Variants in FLYWCH2 observed in about 807,000 individuals in gnomAD.
FLYWCH2 encodes the protein FLYWCH family member 2.
Under a neutral mutation model 6.0 loss-of-function variants are expected in FLYWCH2, and 2 were observed. The observed-to-expected ratio is 0.33, with a 90% confidence interval of 0.14 to 1.04. The LOEUF is 1.04. FLYWCH2 is among the 50% of genes least tolerant of loss of function. FLYWCH2 has a pLI of 0.45. For missense variants in FLYWCH2, 192 were observed against 183.4 expected, an observed-to-expected ratio of 1.05 and a Z score of -0.27; for synonymous variants, 87 against 79.3, an observed-to-expected ratio of 1.10 and a Z score of -0.52.
chr16:2,887,842 C>T (rs997593550), intron 1 of FLYWCH2, among the ~76,000 whole-genome samples: 1 of 151,936 alleles, frequency 6.6e-6, no homozygotes, highest in Non-Finnish European at 1.5e-5. Context: ...ACTGGAATTA[C>T]AAGCATGAGC....
At chr16:2,896,850 C>T (rs754522045) in intron 3 of FLYWCH2, 79 bp downstream of exon 3, 34 of 1,336,864 alleles carry the variant, frequency 2.5e-5, no homozygotes, top group South Asian at 2.5e-4. Context: ...CTCCATCAGG[C>T]GCTTCTCCCT....
At chr16:2,894,970 C>A (rs1440928881) in intron 1 of FLYWCH2, among the ~76,000 whole-genome samples, 1 of 152,156 alleles carries the variant, frequency 6.6e-6, no homozygotes, top group East Asian at 1.9e-4. Flanking sequence ...GTGGGTGTCT[C>A]TGGGCCTTGT....
intron 1 of FLYWCH2, among the ~76,000 whole-genome samples, chr16:2,890,129 A>G (rs1322658530): frequency 6.6e-6 from 1 of 152,108 alleles, no homozygotes; most frequent in Non-Finnish European, 1.5e-5. Flanking sequence ...TTTGGATTTC[A>G]TCAGTGTTTT....
chr16:2,899,291 A>C lies in FLYWCH2; in HGVS notation c.*142A>C. On this transcript the variant is annotated 3_prime_UTR_variant, in exon 4 of 4. Coordinates refer to ENST00000396958, the MANE Select transcript of FLYWCH2 (RefSeq NM_138439.3). ...TTCTTTTTTTTTTTTTTTTTAGATCAAGTATAAGTTACTTTTGTAAGCAGA... is the reference window on the plus strand; with the variant it reads ...TTCTTTTTTTTTTTTTTTTTAGATCCAGTATAAGTTACTTTTGTAAGCAGA... 3 of 530,320 alleles carry C rather than the reference A, an allele frequency of 5.7e-6. No homozygotes were observed. The highest frequency in any genetic ancestry group is 6.4e-6 in the Non-Finnish European group (2 of 310,978). The allele number at this position is 530,320 out of a possible 1,614,324, so 32.9% of individuals were successfully genotyped here.
Position 2,897,996 on chromosome 16 carries a change from C to A in FLYWCH2, c.323-1053C>A, listed in dbSNP as rs182980191. ...CCTGGGGTCAGCCAGAACAGGTGGT[C>A]CCCTGGGGTCAGCCAGGGCACTCAG... On this transcript the variant is annotated intron_variant, in intron 3 of 3. Coordinates refer to ENST00000396958, the MANE Select transcript of FLYWCH2 (RefSeq NM_138439.3). Among the ~76,000 whole-genome samples the A allele has an allele frequency of 3.2e-4, 48 of 152,268 alleles. 1 individual carries two copies. The highest frequency in any genetic ancestry group is 2.9e-3 in the Admixed American group (44 of 15,300).
intron 1 of FLYWCH2, among the ~76,000 whole-genome samples, chr16:2,887,549 C>A (rs1475222620): frequency 6.6e-6 from 1 of 151,650 alleles, no homozygotes; most frequent in Non-Finnish European, 1.5e-5. Context: ...GTGGTCCTAG[C>A]ATTTAATGTT....
intron 1 of FLYWCH2, among the ~76,000 whole-genome samples, chr16:2,893,442 T>C (rs530430249): frequency 6.6e-6 from 1 of 152,278 alleles, no homozygotes; most frequent in Admixed American, 6.5e-5. Flanking sequence ...CAAATATATA[T>C]TTCACAATAT....
chr16:2,893,795 G>T (rs1161369939), intron 1 of FLYWCH2, among the ~76,000 whole-genome samples: 5 of 151,876 alleles, frequency 3.3e-5, no homozygotes, highest in Non-Finnish European at 7.4e-5. Context: ...CCGCCACCAC[G>T]CCGGGCTAAT....
At chr16:2,891,612 A>T (rs908274165) in intron 1 of FLYWCH2, among the ~76,000 whole-genome samples, 17 of 151,978 alleles carry the variant, frequency 1.1e-4, no homozygotes, top group Non-Finnish European at 1.5e-4. Context: ...TCACCGTGTT[A>T]GCCAGGATGG....
At chr16:2,885,586 G>T (rs1214601095) in intron 1 of FLYWCH2, among the ~76,000 whole-genome samples, 1 of 152,134 alleles carries the variant, frequency 6.6e-6, no homozygotes, top group Non-Finnish European at 1.5e-5. Context: ...ATAATATGTG[G>T]TCTTTTGGGT....
intron 1 of FLYWCH2, among the ~76,000 whole-genome samples, chr16:2,892,894 A>ATATAT (rs138834275): frequency 0.55 from 73,486 of 132,610 alleles, 18,835 homozygotes; most frequent in Non-Finnish European, 0.6. Context: ...TATATAATGT[A>ATATAT]TATATGTCAT....
At chr16:2,884,572 A>AAAAAAAAAAAAAC (rs1361317929) in intron 1 of FLYWCH2, among the ~76,000 whole-genome samples, 2 of 146,138 alleles carry the variant, frequency 1.4e-5, no homozygotes, top group African/African-American at 2.5e-5. Flanking sequence ...AAAAAAAAAA[A>AAAAAAAAAAAAAC]AAAAATACAA....
At chr16:2,893,789 C>A (rs370430706) in intron 1 of FLYWCH2, among the ~76,000 whole-genome samples, 2 of 152,004 alleles carry the variant, frequency 1.3e-5, no homozygotes, top group African/African-American at 4.8e-5. Flanking sequence ...GGGCGCCCGC[C>A]ACCACGCCGG....
chr16:2,898,919 C>T (rs1438733042), intron 3 of FLYWCH2, 130 bp from the exon 4 acceptor site: 1 of 616,870 alleles, frequency 1.6e-6, no homozygotes, highest in Non-Finnish European at 2.7e-6. Flanking sequence ...ACTTCTCAGT[C>T]AGGCAGAGGC....
At chr16:2,886,466 C>T (rs1320029956) in intron 1 of FLYWCH2, among the ~76,000 whole-genome samples, 1 of 149,640 alleles carries the variant, frequency 6.7e-6, no homozygotes, top group Admixed American at 6.6e-5. Flanking sequence ...CCTCAGCCTC[C>T]CTAAGTGCTG....
At chr16:2,889,273 C>T (rs1197116123) in intron 1 of FLYWCH2, among the ~76,000 whole-genome samples, 1 of 150,276 alleles carries the variant, frequency 6.7e-6, no homozygotes, top group Non-Finnish European at 1.5e-5. Flanking sequence ...TACAGTGGCC[C>T]GATCTTGGCT....
At chr16:2,898,343 C>G (rs1223451674) in intron 3 of FLYWCH2, among the ~76,000 whole-genome samples, 3 of 152,122 alleles carry the variant, frequency 2.0e-5, no homozygotes, top group Non-Finnish European at 4.4e-5. Context: ...TGCGAAGCCC[C>G]CACCATCCAG....
chr16:2,898,991 C>A, intron 3 of FLYWCH2, 58 bp from the exon 4 acceptor site: 1 of 1,434,352 alleles, frequency 7.0e-7, no homozygotes, highest in Non-Finnish European at 9.6e-7. Flanking sequence ...CCCCAACAGC[C>A]AAGCTGAGCC....
intron 1 of FLYWCH2, among the ~76,000 whole-genome samples, chr16:2,888,333 C>T (rs2069721273): frequency 6.6e-6 from 1 of 151,668 alleles, no homozygotes; most frequent in Admixed American, 6.6e-5. Context: ...ATGCCAGTAC[C>T]ACATTGTATT....
Sources: allele counts gnomAD v4.1 joint callset (sites outside exome capture counted in the v4.1 genomes callset), GRCh38; gene constraint gnomAD v4.1.1; transcripts MANE v1.5; gene names NCBI Gene and HGNC (gene_info 2026-07-23, HGNC 2026-07-21).